AKT3: variants seen among roughly 807,000 people sequenced by gnomAD.
The protein encoded by AKT3 is AKT serine/threonine kinase 3, also known as RAC-gamma serine/threonine-protein kinase.
Under a neutral mutation model 65.3 loss-of-function variants are expected in AKT3, and 15 were observed. The ratio of observed to expected loss-of-function variants is 0.23; its 90% CI spans 0.15 to 0.35. AKT3 has a LOEUF of 0.35. AKT3 is among the 10% of genes least tolerant of loss of function. AKT3 has a pLI of 1.00. For synonymous variants in AKT3, 206 were observed against 183.8 expected, an observed-to-expected ratio of 1.12 and a Z score of -0.98; for missense variants, 243 against 576.5, an observed-to-expected ratio of 0.42 and a Z score of 5.92.
intron 3 of AKT3, among the ~76,000 whole-genome samples, chr1:243,676,974 G>A (rs957730723): frequency 5.9e-5 from 9 of 152,040 alleles, no homozygotes; most frequent in African/African-American, 2.2e-4. Context: ...ATATTTTCCT[G>A]TCTGCAGGAC....
At position 243,523,304 on chromosome 1, in the gene AKT3, CA is replaced by C. The variant is rs1558586042; in HGVS notation, c.1252-10879del. On this transcript the variant is annotated intron_variant, in intron 12 of 13. Coordinates refer to ENST00000673466, the MANE Select transcript of AKT3 (RefSeq NM_005465.7). ...ACACACACACACACACACACACACA[CA>C]CACCTTTCAGAAACCAATTGGATAT... 1.8e-4 allele frequency among the ~76,000 whole-genome samples: 27 copies of C among 150,218 alleles called. 1 individual carries two copies. Among genetic ancestry groups the C allele is most frequent in the East Asian group, 3.9e-4 (2 of 5,138 alleles).
chr1:243,793,792 G>T (rs1421276216), intron 2 of AKT3, among the ~76,000 whole-genome samples: 1 of 133,740 alleles, frequency 7.5e-6, no homozygotes, highest in Admixed American at 7.6e-5. Flanking sequence ...AAAAAAAAAA[G>T]GGTGAAGAAA....
chr1:243,622,067 G>C (rs1057255186), intron 6 of AKT3, among the ~76,000 whole-genome samples: 1 of 152,126 alleles, frequency 6.6e-6, no homozygotes, highest in African/African-American at 2.4e-5. Flanking sequence ...ATTTCCAAAG[G>C]CTTCCCACTT....
At chr1:243,812,230 C>G (rs1693208253) in intron 2 of AKT3, among the ~76,000 whole-genome samples, 1 of 152,156 alleles carries the variant, frequency 6.6e-6, no homozygotes, top group South Asian at 2.1e-4. Flanking sequence ...TCAGAGTGAA[C>G]AGCCAACCTA....
chr1:243,717,326 G>C (rs1366075765), intron 2 of AKT3, among the ~76,000 whole-genome samples: 1 of 152,152 alleles, frequency 6.6e-6, no homozygotes, highest in Non-Finnish European at 1.5e-5. Context: ...TAAATTGTGG[G>C]TCAAGATTTT....
At chr1:243,658,131 T>G (rs1454246393) in intron 4 of AKT3, among the ~76,000 whole-genome samples, 1 of 152,150 alleles carries the variant, frequency 6.6e-6, no homozygotes, top group Non-Finnish European at 1.5e-5. Flanking sequence ...AATAAAAAGC[T>G]TCTGCACAGC....
chr1:243,682,217 C>G (rs543290354), intron 3 of AKT3, among the ~76,000 whole-genome samples: 2 of 152,032 alleles, frequency 1.3e-5, no homozygotes, highest in South Asian at 4.2e-4. Context: ...ACTACAGTTG[C>G]CTTATCACAC....
chr1:243,759,084 C>T (rs1689328897), intron 2 of AKT3, among the ~76,000 whole-genome samples: 1 of 152,164 alleles, frequency 6.6e-6, no homozygotes, highest in African/African-American at 2.4e-5. Context: ...GAGGCCAAGG[C>T]AGGAGGATCA....
At chr1:243,644,998 A>G (rs923837420) in intron 5 of AKT3, among the ~76,000 whole-genome samples, 6 of 152,224 alleles carry the variant, frequency 3.9e-5, no homozygotes, top group Non-Finnish European at 5.9e-5. Flanking sequence ...ATAGAATATT[A>G]TTCTTATTCA....
In AKT3 at chr1:243,784,333, G is replaced by A. The variant is rs560775402; in HGVS notation, c.46+58792C>T. Reference sequence around the variant, plus strand: ...CTGCAGGGAATGAGGGGGTGAGTATGAGACAAGATTAAAAAGGCAGACAAG... The same window carrying A: ...CTGCAGGGAATGAGGGGGTGAGTATAAGACAAGATTAAAAAGGCAGACAAG... On this transcript the variant is annotated intron_variant, in intron 2 of 13. Coordinates refer to ENST00000673466, the MANE Select transcript of AKT3 (RefSeq NM_005465.7). Among the ~76,000 whole-genome samples the A allele has an allele frequency of 5.3e-5, 8 of 151,858 alleles. No homozygotes were observed. In the South Asian group the frequency reaches 1.7e-3, roughly 32 times the overall value.
At chr1:243,676,099 A>G (rs1225331941) in intron 3 of AKT3, among the ~76,000 whole-genome samples, 1 of 152,212 alleles carries the variant, frequency 6.6e-6, no homozygotes, top group East Asian at 1.9e-4. Flanking sequence ...TTAATTTATA[A>G]CATAGTAGGT....
chr1:243,790,555 T>G (rs1195538192), intron 2 of AKT3, among the ~76,000 whole-genome samples: 1 of 152,220 alleles, frequency 6.6e-6, no homozygotes, highest in Non-Finnish European at 1.5e-5. Flanking sequence ...TTATCAGCAA[T>G]ACGGCTGTTT....
At chr1:243,807,658 C>A (rs1692828512) in intron 2 of AKT3, among the ~76,000 whole-genome samples, 1 of 152,194 alleles carries the variant, frequency 6.6e-6, no homozygotes, top group Non-Finnish European at 1.5e-5. Flanking sequence ...ACTTAAATGT[C>A]CCTGTCTGAC....
intron 2 of AKT3, among the ~76,000 whole-genome samples, chr1:243,783,464 A>G (rs768920813): frequency 7.2e-5 from 11 of 152,160 alleles, no homozygotes; most frequent in Admixed American, 1.3e-4. Flanking sequence ...ACCTCACCCT[A>G]TATCTTCATC....
intron 10 of AKT3, among the ~76,000 whole-genome samples, chr1:243,562,747 G>A (rs2148486118): frequency 1.3e-5 from 2 of 152,276 alleles, no homozygotes; most frequent in Admixed American, 1.3e-4. Context: ...TCGGACATGT[G>A]AGTGAAGATG....
At chr1:243,567,637 T>G (rs1200074870) in intron 9 of AKT3, among the ~76,000 whole-genome samples, 1 of 151,924 alleles carries the variant, frequency 6.6e-6, no homozygotes, top group Non-Finnish European at 1.5e-5. Flanking sequence ...CCTCATAATT[T>G]CCCAGTTATT....
At chr1:243,773,207 A>AATAT (rs560934821) in intron 2 of AKT3, among the ~76,000 whole-genome samples, 40 of 145,290 alleles carry the variant, frequency 2.8e-4, no homozygotes, top group Non-Finnish European at 3.8e-4. Flanking sequence ...ATATATAAAA[A>AATAT]ATATATATAT....
chr1:243,757,532 C>A (rs769676281), intron 2 of AKT3, among the ~76,000 whole-genome samples: 1 of 152,060 alleles, frequency 6.6e-6, no homozygotes, highest in African/African-American at 2.4e-5. Context: ...ACAGGAGAAT[C>A]GCTTGAACCC....
chr1:243,657,302 C>G (rs989122472), intron 4 of AKT3, among the ~76,000 whole-genome samples: 5 of 152,154 alleles, frequency 3.3e-5, no homozygotes, highest in African/African-American at 1.2e-4. Context: ...GCCTCCAGAA[C>G]TGTAAGAAAT....
Sources: allele counts gnomAD v4.1 joint callset (sites outside exome capture counted in the v4.1 genomes callset), GRCh38; gene constraint gnomAD v4.1.1; transcripts MANE v1.5; gene names NCBI Gene and HGNC (gene_info 2026-07-23, HGNC 2026-07-21).